Variants in ATRN observed in about 807,000 individuals in gnomAD.
The protein encoded by ATRN is attractin, also known as attractin-2.
ATRN carries 54 observed loss-of-function variants against 178.7 expected under a neutral mutation model. The ratio of observed to expected loss-of-function variants is 0.30; its 90% CI spans 0.24 to 0.38. The LOEUF (loss-of-function observed/expected upper bound fraction) is 0.38. Among genes scored for constraint, ATRN ranks in the 10% least tolerant of loss-of-function variants. ATRN has a pLI of 1.00. For missense variants in ATRN, 1,443 were observed against 1,815.1 expected, an observed-to-expected ratio of 0.79 and a Z score of 3.73; for synonymous variants, 636 against 663.0, an observed-to-expected ratio of 0.96 and a Z score of 0.63.
At chr20:3,522,346 A>G (rs912966647) in intron 1 of ATRN, among the ~76,000 whole-genome samples, 1 of 152,232 alleles carries the variant, frequency 6.6e-6, no homozygotes, top group African/African-American at 2.4e-5. Context: ...AAATTTCCAT[A>G]GCCAGACTAC....
chr20:3,578,962 C>T (rs571805942), intron 15 of ATRN, among the ~76,000 whole-genome samples, 190 bp downstream of exon 15: 5 of 152,036 alleles, frequency 3.3e-5, no homozygotes, highest in Admixed American at 6.6e-5. Context: ...ATTTTTAATA[C>T]TTTGTATATA....
At chr20:3,594,412 A>C (rs2086494765) in intron 19 of ATRN, 67 bp from the exon 20 acceptor site, 2 of 1,372,738 alleles carry the variant, frequency 1.5e-6, no homozygotes, top group Non-Finnish European at 9.9e-7. Flanking sequence ...CTTGTTTTGG[A>C]AAAAGTCTCC....
intron 1 of ATRN, among the ~76,000 whole-genome samples, chr20:3,515,362 G>C (rs1370967876): frequency 6.6e-6 from 1 of 152,194 alleles, no homozygotes; most frequent in African/African-American, 2.4e-5. Context: ...ATTAGGCAGA[G>C]AAACAGGCTT....
chr20:3,636,552 G>T (rs976118348), intron 26 of ATRN, among the ~76,000 whole-genome samples: 2 of 152,228 alleles, frequency 1.3e-5, no homozygotes, highest in African/African-American at 4.8e-5. Context: ...AACACCAGAG[G>T]TTGTATCCAG....
chr20:3,602,963 CAAAAAAAAAAAAAAAA>C (rs3842439), intron 23 of ATRN, among the ~76,000 whole-genome samples: 19 of 40,866 alleles, frequency 4.6e-4, no homozygotes, highest in Non-Finnish European at 5.9e-4. Flanking sequence ...AATTCCATCT[CAAAAAAAAAAAAAAAA>C]AAAAAAAAAA....
chr20:3,491,089 C>T, intron 1 of ATRN: 2 of 693,986 alleles, frequency 2.9e-6, no homozygotes, highest in Non-Finnish European at 5.0e-6. Flanking sequence ...ACTTTTTGCA[C>T]CTTTCCTAAA....
intron 1 of ATRN, among the ~76,000 whole-genome samples, chr20:3,480,553 C>T (rs550653005): frequency 5.3e-5 from 8 of 152,190 alleles, no homozygotes; most frequent in South Asian, 4.1e-4. Context: ...TTTCTTAAGC[C>T]GGTTAGAGTT....
rs12625952 is a variant in ATRN, at chr20:3,484,923, T to A, written c.410+13406T>A. ...ATGGATTTTAAAATTATTATTATTA[T>A]TATTATTATTATTATTATTATTATT... On this transcript the variant is annotated intron_variant, in intron 1 of 28. Transcript: ENST00000262919. Among the ~76,000 whole-genome samples, 13 of 147,536 alleles carry A rather than the reference T, an allele frequency of 8.8e-5. No homozygotes were observed. In the East Asian group the frequency reaches 2.5e-3, roughly 29 times the overall value.
intron 18 of ATRN, among the ~76,000 whole-genome samples, chr20:3,588,663 T>C (rs2146267331): frequency 6.6e-6 from 1 of 152,250 alleles, no homozygotes; most frequent in Admixed American, 6.5e-5. Flanking sequence ...GTGATTACTA[T>C]CTGGTTTTCA....
chr20:3,597,960 G>A lies in ATRN; in HGVS notation c.3524G>A (p.Arg1175His), dbSNP rs752670827. ...FTFSLSQEDD[R>H]YYTAINFVAT... ...TTTAGTCTATCCCAGGAAGATGATC[G>A]CTATTACACAGCTATCAATTTTGTG... is the stretch of plus-strand genomic sequence containing the variant. Residue 1175 changes from arginine (R) to histidine (H), a missense_variant, in exon 22 of 29, where the codon CGC becomes CAC. Arg to His is a conservative substitution (Grantham distance 29). Around this residue, in one of 4 missense-constraint regions of ATRN, gnomAD observed 289 missense variants for 440.8 expected, o/e 0.66. Transcript: ENST00000262919. 4 of 1,611,758 alleles carry A rather than the reference G, an allele frequency of 2.5e-6. No homozygotes were observed. Among genetic ancestry groups the A allele is most frequent in the East Asian group, 2.2e-5 (1 of 44,860 alleles).
At chr20:3,519,396 T>G (rs935508885) in intron 1 of ATRN, among the ~76,000 whole-genome samples, 2 of 152,218 alleles carry the variant, frequency 1.3e-5, no homozygotes, top group African/African-American at 4.8e-5. Flanking sequence ...AAATGTACTT[T>G]TTCAAACAAA....
intron 25 of ATRN, among the ~76,000 whole-genome samples, chr20:3,628,425 G>A (rs1269764329): frequency 6.6e-6 from 1 of 152,008 alleles, no homozygotes; most frequent in African/African-American, 2.4e-5. Flanking sequence ...GGTCAACCGT[G>A]GTCCAAAAAC....
rs146936098 is a variant in ATRN at position 3,632,250 on chromosome 20, C to T, written c.3864-2061C>T. Among the ~76,000 whole-genome samples the T allele has an allele frequency of 4.5e-4, 68 of 152,334 alleles. No individual in the cohort carries two copies. The highest frequency in any genetic ancestry group is 1.5e-3 in the African/African-American group (63 of 41,566). On this transcript the variant is annotated intron_variant, in intron 25 of 28. Coordinates refer to ENST00000262919, the MANE Select transcript of ATRN (RefSeq NM_139321.3). The surrounding 1 kb of genome is among the most constrained non-coding windows in gnomAD (Gnocchi z 4.2). ...TTGAGCCACCATCATCTCACCTAGA[C>T]TGCTGGTCTCCCTGATAATGCCATT...
chr20:3,540,805 G>A (rs1279386069), intron 3 of ATRN, among the ~76,000 whole-genome samples: 2 of 152,172 alleles, frequency 1.3e-5, no homozygotes, highest in Non-Finnish European at 2.9e-5. Context: ...CATCATGAGT[G>A]AGGGAAACTT....
chr20:3,628,513 C>G (rs577547697), intron 25 of ATRN, among the ~76,000 whole-genome samples: 2 of 152,132 alleles, frequency 1.3e-5, no homozygotes, highest in Non-Finnish European at 2.9e-5. Context: ...GATGAAATGT[C>G]GTGCCATCCT....
At chr20:3,500,252 C>G (rs1407594465) in intron 1 of ATRN, among the ~76,000 whole-genome samples, 1 of 152,164 alleles carries the variant, frequency 6.6e-6, no homozygotes. Flanking sequence ...TAAACTAGTT[C>G]AACCATTGTG....
At chr20:3,611,264 GAGAAA>G (rs1422119057) in intron 24 of ATRN, among the ~76,000 whole-genome samples, 2 of 152,178 alleles carry the variant, frequency 1.3e-5, no homozygotes, top group Non-Finnish European at 2.9e-5. Flanking sequence ...TATGGACTGG[GAGAAA>G]ATATTTGCAA....
intron 1 of ATRN, among the ~76,000 whole-genome samples, chr20:3,527,779 A>G (rs1255699073): frequency 6.6e-6 from 1 of 152,150 alleles, no homozygotes; most frequent in Non-Finnish European, 1.5e-5. Flanking sequence ...CAGGGACATG[A>G]TGAGGCTGGA....
intron 23 of ATRN, among the ~76,000 whole-genome samples, chr20:3,602,147 T>G (rs531693597): frequency 6.6e-6 from 1 of 152,012 alleles, no homozygotes; most frequent in East Asian, 1.9e-4. Flanking sequence ...CTGGCCAACA[T>G]GGTGAAACCC....
Sources: gnomAD v4.1 joint callset for allele counts (sites outside exome capture counted in the v4.1 genomes callset) on GRCh38, gnomAD v4.1.1 for gene constraint, gnomAD v4.1.1 regional missense constraint, Gnocchi (gnomAD v3.1) non-coding constraint, MANE v1.5 for transcripts, NCBI Gene and HGNC (gene_info 2026-07-23, HGNC 2026-07-21) for gene names.